The following PDE8B variants were observed in gnomAD, a reference collection of about 807,000 sequenced individuals.
PDE8B encodes the protein high affinity cAMP-specific and IBMX-insensitive 3',5'-cyclic phosphodiesterase 8B.
Under a neutral mutation model 101.3 loss-of-function variants are expected in PDE8B, and 26 were observed. The observed-to-expected ratio is 0.26, with a 90% CI of 0.19 to 0.36. The LOEUF (loss-of-function observed/expected upper bound fraction) is 0.36. PDE8B is among the 10% of genes least tolerant of loss of function. The pLI, the probability that PDE8B is intolerant of heterozygous loss-of-function variation, is 1.00. For missense variants in PDE8B, 810 were observed against 1,163.1 expected, an observed-to-expected ratio of 0.70 and a Z score of 4.42; for synonymous variants, 424 against 429.3, an observed-to-expected ratio of 0.99 and a Z score of 0.15.
the PDE8B span, among the ~76,000 whole-genome samples, chr5:77,195,288 G>C: frequency 6.6e-6 from 1 of 152,164 alleles, no homozygotes; most frequent in Non-Finnish European, 1.5e-5. Flanking sequence ...ATCCATTCAT[G>C]AGGGCAAATA....
the PDE8B span, among the ~76,000 whole-genome samples, chr5:77,094,320 CT>C: frequency 6.6e-6 from 1 of 152,072 alleles, no homozygotes; most frequent in Middle Eastern, 3.4e-3. Context: ...ACTTTACATA[CT>C]TTTTTTGAGA....
At chr5:77,273,097 GAGTT>G (rs1172223790) in intron 1 of PDE8B, among the ~76,000 whole-genome samples, 3 of 152,170 alleles carry the variant, frequency 2.0e-5, no homozygotes, top group Admixed American at 2.0e-4. Flanking sequence ...CTGATTATAA[GAGTT>G]AGGACAAATT....
At chr5:77,142,935 T>A in the PDE8B span, among the ~76,000 whole-genome samples, 3 of 152,108 alleles carry the variant, frequency 2.0e-5, no homozygotes, top group Admixed American at 6.6e-5. Flanking sequence ...CTTAGCTTCA[T>A]TAAGGAAATG....
chr5:77,394,320 C>G (rs974047417), intron 10 of PDE8B, among the ~76,000 whole-genome samples: 2 of 152,040 alleles, frequency 1.3e-5, no homozygotes, highest in African/African-American at 4.8e-5. Flanking sequence ...AGAGTCAGTC[C>G]TAGGGAAAAA....
chr5:77,310,890 G>A (rs981346331), intron 1 of PDE8B, among the ~76,000 whole-genome samples: 1 of 152,168 alleles, frequency 6.6e-6, no homozygotes, highest in Admixed American at 6.5e-5. Context: ...AGCACTAAGA[G>A]TTAAGCTTGG....
the PDE8B span, among the ~76,000 whole-genome samples, chr5:77,129,805 C>T: frequency 4.0e-5 from 6 of 151,340 alleles, no homozygotes; most frequent in African/African-American, 9.7e-5. Context: ...ATTGGCATAA[C>T]GTCACCCACC....
rs188407577 is a variant in PDE8B at position 77,327,371 on chromosome 5, A to C, written c.591-1627A>C. On this transcript the variant is annotated intron_variant, in intron 3 of 21. Coordinates refer to ENST00000264917, the MANE Select transcript of PDE8B (RefSeq NM_003719.5). ...TGAGAGAAAAGAGACAGCAGCAGGA[A>C]GCAACCCAAAAGATGGAAGCCAGTC... 2.6e-5 allele frequency among the ~76,000 whole-genome samples: 4 copies of C among 152,304 alleles called. No homozygotes were observed. The East Asian group carries it at 7.7e-4, about 29-fold the overall frequency.
the PDE8B span, chr5:77,139,295 A>T: frequency 2.0e-5 from 3 of 152,288 alleles, no homozygotes; most frequent in Admixed American, 6.5e-5. Context: ...TGCTGACTGC[A>T]TCTGCCAGAT....
At position 77,211,140 on chromosome 5, in the gene PDE8B, C is replaced by G. The variant is rs939357928; in HGVS notation, c.215C>G (p.Thr72Ser). 6.6e-7 allele frequency: 1 copy of G among 1,524,046 alleles called. No individual in the cohort carries two copies. The highest frequency in any genetic ancestry group is 8.8e-7 in the Non-Finnish European group (1 of 1,142,432). The allele number at this position is 1,524,046 out of a possible 1,614,324, so 94.4% of individuals were successfully genotyped here. A position where few individuals can be genotyped will look rare whatever the true frequency, so the allele number is the denominator to read the frequency against. ...GTAGCCCGCGTCCGCAGGGCCCGCA[C>G]CGAGCTGGGCAGCGGTAGCAGCGCG... ...PSVARVRRARTELGSGSSAGS... is the reference protein window; with the variant it reads ...PSVARVRRARSELGSGSSAGS... The change falls in exon 1 of 22, where the codon ACC becomes AGC. Residue 72 changes from threonine to serine, a missense_variant. Thr to Ser is a moderately conservative substitution (Grantham distance 58, BLOSUM62 1). Transcript: ENST00000264917. This position sits in a 1 kb window ranked among gnomAD's most constrained non-coding sequence, Gnocchi z 4.1.
At chr5:77,318,070 A>AAAC (rs1774199623) in intron 2 of PDE8B, among the ~76,000 whole-genome samples, 1 of 151,048 alleles carries the variant, frequency 6.6e-6, no homozygotes, top group African/African-American at 2.4e-5. Flanking sequence ...AAAAAAAAAA[A>AAAC]AAAAAAACAC....
intron 2 of PDE8B, among the ~76,000 whole-genome samples, chr5:77,322,463 G>A (rs990664960): frequency 6.6e-6 from 1 of 152,062 alleles, no homozygotes; most frequent in Non-Finnish European, 1.5e-5. Flanking sequence ...GTCCTAGAAG[G>A]CCTTATCATG....
intron 10 of PDE8B, among the ~76,000 whole-genome samples, chr5:77,384,346 T>A (rs1223382616): frequency 6.6e-6 from 1 of 152,242 alleles, no homozygotes; most frequent in Non-Finnish European, 1.5e-5. Context: ...GAGACTTTGC[T>A]GAGGTTGCTT....
chr5:77,293,272 T>C (rs962076681), intron 1 of PDE8B, among the ~76,000 whole-genome samples: 1 of 152,250 alleles, frequency 6.6e-6, no homozygotes, highest in Non-Finnish European at 1.5e-5. Context: ...TGAAGTATTA[T>C]TGTCACAACT....
chr5:77,168,146 C>T, the PDE8B span, among the ~76,000 whole-genome samples: 1 of 152,326 alleles, frequency 6.6e-6, no homozygotes, highest in South Asian at 2.1e-4. Context: ...AATTTGAAGA[C>T]AGGGACGATA....
intron 1 of PDE8B, chr5:77,290,217 G>A (rs1766968338): frequency 1.9e-6 from 3 of 1,542,142 alleles, no homozygotes; most frequent in Non-Finnish European, 2.6e-6. Flanking sequence ...GTGTGTGCAC[G>A]CTGCAAAGAC....
intron 11 of PDE8B, among the ~76,000 whole-genome samples, chr5:77,401,806 T>G (rs922394016): frequency 2.6e-5 from 4 of 152,242 alleles, no homozygotes; most frequent in Non-Finnish European, 4.4e-5. Context: ...TCTTTAATTA[T>G]GTGGCCTTAC....
intron 10 of PDE8B, among the ~76,000 whole-genome samples, chr5:77,376,401 C>A (rs1786143443): frequency 6.6e-6 from 1 of 152,150 alleles, no homozygotes; most frequent in South Asian, 2.1e-4. Flanking sequence ...CAGTCACATC[C>A]CAGTGCCTAG....
chr5:77,178,801 G>A, the PDE8B span, among the ~76,000 whole-genome samples: 1 of 152,068 alleles, frequency 6.6e-6, no homozygotes, highest in Non-Finnish European at 1.5e-5. Flanking sequence ...TCACTTTCAG[G>A]CTCTCCTGAT....
chr5:77,400,202 A>G (rs1581490050), intron 10 of PDE8B, 46 bp from the exon 11 acceptor site: 1 of 1,351,044 alleles, frequency 7.4e-7, no homozygotes, highest in African/African-American at 1.4e-5. Flanking sequence ...CAAATGGCAT[A>G]TTTAAAATCT....
Sources: allele counts gnomAD v4.1 joint callset (sites outside exome capture counted in the v4.1 genomes callset), GRCh38; gene constraint gnomAD v4.1.1; non-coding constraint Gnocchi (gnomAD v3.1); transcripts MANE v1.5; gene names NCBI Gene and HGNC (gene_info 2026-07-23, HGNC 2026-07-21).